The following ARL6IP5 variants were observed in gnomAD, a reference collection of about 807,000 sequenced individuals.
The protein encoded by ARL6IP5 is ARF like GTPase 6 interacting protein 5.
Under a neutral mutation model 13.0 loss-of-function variants are expected in ARL6IP5, and 6 were observed. The ratio of observed to expected loss-of-function variants is 0.46; its 90% confidence interval spans 0.25 to 0.91. The LOEUF is 0.91. ARL6IP5 is among the 40% of genes least tolerant of loss of function. ARL6IP5 has a pLI of 0.17. For synonymous variants in ARL6IP5, 91 were observed against 91.9 expected, an observed-to-expected ratio of 0.99 and a Z score of 0.06; for missense variants, 208 against 248.8, an observed-to-expected ratio of 0.84 and a Z score of 1.10.
At chr3:69,096,442 T>C (rs1224264977) in intron 1 of ARL6IP5, among the ~76,000 whole-genome samples, 2 of 152,136 alleles carry the variant, frequency 1.3e-5, no homozygotes, top group African/African-American at 4.8e-5. Flanking sequence ...TGAATTATTA[T>C]TTTAATAAGT....
intron 1 of ARL6IP5, among the ~76,000 whole-genome samples, chr3:69,085,840 G>T (rs1004545258): frequency 6.6e-6 from 1 of 152,166 alleles, no homozygotes; most frequent in Non-Finnish European, 1.5e-5. Context: ...TTCCAGCAGT[G>T]GCCAGGCGTG....
intron 1 of ARL6IP5, among the ~76,000 whole-genome samples, chr3:69,091,092 G>A (rs1466784233): frequency 6.6e-6 from 1 of 152,144 alleles, no homozygotes; most frequent in African/African-American, 2.4e-5. Context: ...CAGCTACTTG[G>A]GAGGCTGAGG....
rs564544362 is a variant in ARL6IP5 at position 69,085,528 on chromosome 3, C to G, written c.176+305C>G. On this transcript the variant is annotated intron_variant, in intron 1 of 2. Transcript: ENST00000273258. ...CACCCCCCTGCCCCCGCCCGCGTGC[C>G]AGGATCGGGCTCTTGCTGGAAAGAT... Among the ~76,000 whole-genome samples the G allele has an allele frequency of 3.9e-5, 6 of 152,302 alleles. 1 individual carries two copies. The South Asian group carries it at 1.2e-3, about 32-fold the overall frequency.
chr3:69,097,779 C>G (rs1157008472), intron 1 of ARL6IP5, among the ~76,000 whole-genome samples: 1 of 152,136 alleles, frequency 6.6e-6, no homozygotes, highest in African/African-American at 2.4e-5. Context: ...AGCACATGTG[C>G]TGGGTATTGG....
At position 69,104,434 on chromosome 3, in the gene ARL6IP5, T is replaced by C. The variant is rs765279502; in HGVS notation, c.395-30T>C. 19 of 1,593,936 alleles carry C rather than the reference T, an allele frequency of 1.2e-5. 1 individual carries two copies. The South Asian group carries it at 1.7e-4, about 14-fold the overall frequency. On this transcript the variant is annotated intron_variant, in intron 2 of 2. Transcript: ENST00000273258. ...ATATGGCAAAAGAGAATTGTTGCTT[T>C]GGTGTTAACCAGGTGTCCCTTCTCT...
intron 1 of ARL6IP5, among the ~76,000 whole-genome samples, chr3:69,090,430 G>A (rs1463013363): frequency 6.6e-6 from 1 of 152,188 alleles, no homozygotes; most frequent in East Asian, 1.9e-4. Context: ...CGGAAAGGCA[G>A]CAAGACCACA....
Position 69,092,766 on chromosome 3 carries a change from C to G in ARL6IP5, c.176+7543C>G, listed in dbSNP as rs182703309. Among the ~76,000 whole-genome samples, 879 of 151,776 alleles carry G rather than the reference C, an allele frequency of 5.8e-3. 12 individuals carry two copies. The highest frequency in any genetic ancestry group is 0.019 in the African/African-American group (793 of 41,360). On this transcript the variant is annotated intron_variant, in intron 1 of 2. Coordinates refer to ENST00000273258, the MANE Select transcript of ARL6IP5 (RefSeq NM_006407.4). ...AACTCCTAGCCTCAAGTTATCCCCC[C>G]ACCTCAGCCTCCCAAAGTGCTGGGA...
chr3:69,093,560 C>T (rs541615318), intron 1 of ARL6IP5, among the ~76,000 whole-genome samples: 129 of 152,000 alleles, frequency 8.5e-4, no homozygotes, highest in Middle Eastern at 3.4e-3. Context: ...GTCAGGAGTT[C>T]GAGACCAGCC....
chr3:69,090,009 A>G, intron 1 of ARL6IP5: 1 of 362,588 alleles, frequency 2.8e-6, no homozygotes, highest in South Asian at 2.1e-5. Flanking sequence ...AAACAGCATT[A>G]ATGTAATCTT....
chr3:69,085,191 G>A lies in ARL6IP5; in HGVS notation c.144G>A (p.Leu48=), dbSNP rs749916432. The A allele has an allele frequency of 1.1e-5, 18 of 1,614,024 alleles. No individual in the cohort carries two copies. The South Asian group carries it at 1.5e-4, about 14-fold the overall frequency. Residue 48 remains leucine, a synonymous_variant, in exon 1 of 3, where the codon CTG becomes CTA. Coordinates refer to ENST00000273258, the MANE Select transcript of ARL6IP5 (RefSeq NM_006407.4). ...SNLLYYQTNY[L]VVAAMMISIV... is the part of the protein sequence containing the mutation. ...TGCTCTATTACCAGACCAACTACCT[G>A]GTGGTGGCTGCCATGATGATTTCCA... is the stretch of plus-strand genomic sequence containing the variant.
At chr3:69,089,239 G>T (rs903907261) in intron 1 of ARL6IP5, among the ~76,000 whole-genome samples, 1 of 152,044 alleles carries the variant, frequency 6.6e-6, no homozygotes. Context: ...CAGGGTCCAG[G>T]CATCTGTTGT....
chr3:69,087,335 G>A (rs563562625), intron 1 of ARL6IP5, among the ~76,000 whole-genome samples: 1 of 152,328 alleles, frequency 6.6e-6, no homozygotes, highest in Non-Finnish European at 1.5e-5. Context: ...AACAAAATAA[G>A]TAGTAAATAG....
At chr3:69,104,074 A>G (rs17005356) in intron 2 of ARL6IP5, among the ~76,000 whole-genome samples, 4,590 of 152,274 alleles carry the variant, frequency 0.03, 90 homozygotes, top group East Asian at 0.04. Context: ...TCCCGAATCG[A>G]GCAAGAGTTC....
intron 1 of ARL6IP5, among the ~76,000 whole-genome samples, chr3:69,095,443 G>A (rs888756050): frequency 2.0e-5 from 3 of 150,588 alleles, no homozygotes; most frequent in African/African-American, 7.3e-5. Flanking sequence ...AAACATAACG[G>A]TTTTTGAGTT....
Position 69,095,776 on chromosome 3 carries a change from T to C in ARL6IP5, c.177-6063T>C, listed in dbSNP as rs527491401. 1.5e-4 allele frequency among the ~76,000 whole-genome samples: 23 copies of C among 152,304 alleles called. 1 individual carries two copies. The highest frequency in any genetic ancestry group is 5.1e-4 in the African/African-American group (21 of 41,558). ...TCCCAAAGTTCTGGGATTACAGTTA[T>C]GATCCACCGCACCCAGCCCTCTTTC... On this transcript the variant is annotated intron_variant, in intron 1 of 2. Coordinates refer to ENST00000273258, the MANE Select transcript of ARL6IP5 (RefSeq NM_006407.4).
chr3:69,085,308 G>A, intron 1 of ARL6IP5, 85 bp downstream of exon 1: 1 of 1,469,782 alleles, frequency 6.8e-7, no homozygotes. Context: ...ATGTAGAGAC[G>A]CTCTCTGACC....
intron 1 of ARL6IP5, among the ~76,000 whole-genome samples, chr3:69,096,265 A>G (rs1243680544): frequency 1.3e-5 from 2 of 152,200 alleles, no homozygotes; most frequent in Non-Finnish European, 2.9e-5. Context: ...TCTCTTGGAC[A>G]TGAGCAACCA....
intron 1 of ARL6IP5, chr3:69,090,052 T>C (rs575423259): frequency 2.0e-4 from 71 of 348,642 alleles, no homozygotes; most frequent in African/African-American, 1.5e-3. Context: ...GGCTCTGTAA[T>C]ATGTTCTAGG....
chr3:69,090,051 A>G (rs2092260173), intron 1 of ARL6IP5: 1 of 348,506 alleles, frequency 2.9e-6, no homozygotes, highest in East Asian at 7.6e-5. Context: ...TGGCTCTGTA[A>G]TATGTTCTAG....
Sources: gnomAD v4.1 joint callset for allele counts (sites outside exome capture counted in the v4.1 genomes callset) on GRCh38, gnomAD v4.1.1 for gene constraint, MANE v1.5 for transcripts, NCBI Gene and HGNC (gene_info 2026-07-23, HGNC 2026-07-21) for gene names.